SLC39A10: variants seen among roughly 807,000 people sequenced by gnomAD.
SLC39A10 encodes the protein solute carrier family 39 member 10.
Under a neutral mutation model 65.1 loss-of-function variants are expected in SLC39A10, and 13 were observed. The observed-to-expected ratio is 0.20, with a 90% CI of 0.13 to 0.32. The LOEUF is 0.32. Ranked by LOEUF, SLC39A10 falls within the 10% of genes least tolerant of loss-of-function variation. The probability of loss-of-function intolerance (pLI) is 1.00; values close to 1 mark genes in which losing one functional copy is unlikely to be tolerated. For missense variants in SLC39A10, 831 were observed against 1,018.4 expected (o/e 0.82, Z 2.50); for synonymous variants, 321 against 342.2 (o/e 0.94, Z 0.68).
rs369813971 is a variant in SLC39A10, at chr2:195,725,151, A to G, written c.2147-3008A>G. ...ATAGAAAAAACAATGAACTCAAAGT[A>G]GGTAATCTAAATGGAGATTCTTAAA... On this transcript the variant is annotated intron_variant, in intron 8 of 9. Transcript: ENST00000359634. Among the ~76,000 whole-genome samples, 10 of 152,308 alleles carry G rather than the reference A, an allele frequency of 6.6e-5. No homozygotes were observed. The East Asian group carries it at 1.3e-3, about 21-fold the overall frequency.
chr2:195,708,725 A>T lies in SLC39A10; in HGVS notation c.1456A>T (p.Asn486Tyr), dbSNP rs1171014102. 1.7e-5 allele frequency: 28 copies of T among 1,613,060 alleles called. No individual in the cohort carries two copies. The highest frequency in any genetic ancestry group is 2.4e-5 in the Non-Finnish European group (28 of 1,179,546). Residue 486 changes from asparagine (N) to tyrosine (Y), a missense_variant, in exon 5 of 10, where the codon AAC becomes TAC. Asn to Tyr is a moderately radical substitution (Grantham distance 143, BLOSUM62 -2). Coordinates refer to ENST00000359634, the MANE Select transcript of SLC39A10 (RefSeq NM_020342.3). ...GHGHSHGHESNKFLEEYDAVL... is the reference protein window; with the variant it reads ...GHGHSHGHESYKFLEEYDAVL... ...TGGACATTCTCATGGACATGAATCT[A>T]ACAAGTTTTTGGAAGAATATGATGC...
chr2:195,664,071 A>G (rs765877257), intron 1 of SLC39A10, among the ~76,000 whole-genome samples: 2 of 152,196 alleles, frequency 1.3e-5, no homozygotes, highest in Non-Finnish European at 2.9e-5. Context: ...CCAGTTAAAA[A>G]TTGAAAATCA....
chr2:195,734,568 G>A lies in SLC39A10; in HGVS notation c.2338-315G>A, dbSNP rs888666039. Among the ~76,000 whole-genome samples the A allele has an allele frequency of 2.6e-5, 4 of 152,166 alleles. No individual in the cohort carries two copies. In the East Asian group the frequency reaches 7.7e-4, roughly 29 times the overall value. ...TGGTAATAAGTTGCTTTATGCTTTA[G>A]CATAAAGTAAAATGTCAGAATTTAT... On this transcript the variant is annotated intron_variant, in intron 9 of 9. Transcript: ENST00000359634.
At chr2:195,730,081 A>C (rs1036544338) in intron 9 of SLC39A10, among the ~76,000 whole-genome samples, 1 of 145,728 alleles carries the variant, frequency 6.9e-6, no homozygotes, top group African/African-American at 2.6e-5. Flanking sequence ...CTGAGATTAT[A>C]GGTATAAGCC....
intron 3 of SLC39A10, among the ~76,000 whole-genome samples, chr2:195,688,493 A>C (rs1168957317): frequency 6.6e-6 from 1 of 152,210 alleles, no homozygotes; most frequent in East Asian, 1.9e-4. Context: ...GAAGATTCCA[A>C]GTTGTTAGAA....
chr2:195,690,173 G>GAAAAAAAA (rs34116515), intron 3 of SLC39A10, among the ~76,000 whole-genome samples: 4 of 61,152 alleles, frequency 6.5e-5, no homozygotes, highest in Non-Finnish European at 1.2e-4. Context: ...GAGACTCTCT[G>GAAAAAAAA]AAAAAAAAAA....
chr2:195,673,081 TA>T (rs1689932747), intron 1 of SLC39A10, among the ~76,000 whole-genome samples: 1 of 152,254 alleles, frequency 6.6e-6, no homozygotes, highest in African/African-American at 2.4e-5. Context: ...GGAATTGTTT[TA>T]TAGGCTATTT....
intron 8 of SLC39A10, 40 bp downstream of exon 8, chr2:195,718,372 C>A: frequency 6.9e-7 from 1 of 1,445,854 alleles, no homozygotes; most frequent in Non-Finnish European, 9.6e-7. Flanking sequence ...TTCATCAAAT[C>A]TAAGACTTCC....
In SLC39A10 at chr2:195,683,776, C is replaced by T. The variant is rs141922037; in HGVS notation, c.1086C>T (p.Tyr362=). Residue 362 remains tyrosine (Y), a synonymous_variant, in exon 3 of 10, where the codon TAC becomes TAT. Coordinates refer to ENST00000359634, the MANE Select transcript of SLC39A10 (RefSeq NM_020342.3). ...CCATCTCAACTGATTTATTTACATA[C>T]CTTTGCCCTGCATTGTTATATCAAA... ...NSPISTDLFT[Y]LCPALLYQID... 4.4e-4 allele frequency: 709 copies of T among 1,613,270 alleles called. 10 individuals carry two copies. In the South Asian group the frequency reaches 6.7e-3, roughly 15 times the overall value.
intron 2 of SLC39A10, among the ~76,000 whole-genome samples, chr2:195,624,638 GC>G (rs1172642190): frequency 6.6e-6 from 1 of 151,404 alleles, no homozygotes; most frequent in African/African-American, 2.4e-5. Context: ...ACTTTGGGAA[GC>G]CGAGGCGGGT....
intron 2 of SLC39A10, among the ~76,000 whole-genome samples, chr2:195,626,246 T>C (rs1265610852): frequency 2.6e-5 from 4 of 152,198 alleles, no homozygotes; most frequent in African/African-American, 7.2e-5. Flanking sequence ...GCACTCTTAG[T>C]CTTGAGGAGA....
At chr2:195,620,744 G>A (rs1277327857) in intron 2 of SLC39A10, among the ~76,000 whole-genome samples, 18 of 152,160 alleles carry the variant, frequency 1.2e-4, no homozygotes, top group Non-Finnish European at 2.1e-4. Flanking sequence ...AACAATGTAC[G>A]GGAGTTGTTA....
chr2:195,693,955 T>G (rs1194455750), intron 3 of SLC39A10, among the ~76,000 whole-genome samples: 1 of 152,210 alleles, frequency 6.6e-6, no homozygotes, highest in Non-Finnish European at 1.5e-5. Context: ...CTATAAACTT[T>G]TAGCACTGCT....
chr2:195,665,882 T>A (rs1245142523), intron 1 of SLC39A10, among the ~76,000 whole-genome samples: 1 of 152,246 alleles, frequency 6.6e-6, no homozygotes, highest in Non-Finnish European at 1.5e-5. Context: ...CTATTTCCTG[T>A]ACTCCAGTTT....
At chr2:195,693,186 G>A (rs1339752038) in intron 3 of SLC39A10, among the ~76,000 whole-genome samples, 1 of 152,106 alleles carries the variant, frequency 6.6e-6, no homozygotes, top group African/African-American at 2.4e-5. Flanking sequence ...ACTTGATCAT[G>A]GTAGATTACC....
intron 2 of SLC39A10, among the ~76,000 whole-genome samples, chr2:195,632,109 T>A (rs543843972): frequency 6.6e-6 from 1 of 150,880 alleles, no homozygotes; most frequent in African/African-American, 2.4e-5. Context: ...CCCAGGCTGG[T>A]CTCAAACTCT....
chr2:195,690,018 A>G (rs2105785468), intron 3 of SLC39A10, among the ~76,000 whole-genome samples: 1 of 152,072 alleles, frequency 6.6e-6, no homozygotes, highest in East Asian at 1.9e-4. Context: ...TTCTACTAAA[A>G]ATACAAAAAT....
At position 195,644,729 on chromosome 2, in the gene SLC39A10, C is replaced by G. The variant is rs555619072; in HGVS notation, c.-11-35303C>G. Among the ~76,000 whole-genome samples, 68 of 151,652 alleles carry G rather than the reference C, an allele frequency of 4.5e-4. 1 individual carries two copies. The South Asian group carries it at 0.012, about 26-fold the overall frequency. ...CTGAGGTGGAAGGATCACTTGACCC[C>G]AGGAGGTCATGGCTGCACTGAGCTT... is the stretch of plus-strand genomic sequence containing the variant. On this transcript the variant is annotated intron_variant, in intron 2 of 2. Transcript: ENST00000458054.
Position 195,716,718 on chromosome 2 carries a change from C to T in SLC39A10, c.1778C>T (p.Pro593Leu). ...TDLEGQQESP[P>L]KNYLCIEEEK... ...TTAGAAGGCCAACAAGAATCCCCTC[C>T]TAAAAATTACCTTTGTATAGAAGAG... Residue 593 changes from proline (P) to leucine (L), a missense_variant, in exon 7 of 10, where the codon CCT (proline) becomes CTT (leucine). Pro to Leu is a moderately conservative substitution (Grantham distance 98, BLOSUM62 -3). Coordinates refer to ENST00000359634, the MANE Select transcript of SLC39A10 (RefSeq NM_020342.3). 6.2e-7 allele frequency: 1 copy of T among 1,614,122 alleles called. No individual in the cohort carries two copies. The highest frequency in any genetic ancestry group is 8.5e-7 in the Non-Finnish European group (1 of 1,179,994).
Sources: gnomAD v4.1 joint callset for allele counts (sites outside exome capture counted in the v4.1 genomes callset) on GRCh38, gnomAD v4.1.1 for gene constraint, MANE v1.5 for transcripts, NCBI Gene and HGNC (gene_info 2026-07-23, HGNC 2026-07-21) for gene names.